Variants in NDUFB7 observed in about 807,000 individuals in gnomAD.
NDUFB7 encodes NADH:ubiquinone oxidoreductase subunit B7.
Under a neutral mutation model 14.7 loss-of-function variants are expected in NDUFB7, and 18 were observed. That is an observed-to-expected ratio of 1.22 (90% CI 0.85 to 1.81). NDUFB7 has a LOEUF of 1.81. Among genes scored for constraint, NDUFB7 ranks in the 40% most tolerant of loss-of-function variants. NDUFB7 has a pLI of 0.00. For synonymous variants in NDUFB7, 86 were observed against 76.1 expected (o/e 1.13, Z -0.68); for missense variants, 219 against 195.0 (o/e 1.12, Z -0.73).
chr19:14,566,386 C>G (rs868529620), intron 2 of NDUFB7, 121 bp from the exon 3 acceptor site: 2 of 1,497,316 alleles, frequency 1.3e-6, no homozygotes, highest in Non-Finnish European at 1.8e-6. Context: ...AAGACATGTC[C>G]GAGTGCCTGT....
Position 14,566,862 on chromosome 19 carries a change from G to A in NDUFB7, c.184C>T (p.His62Tyr), listed in dbSNP as rs142423426. Residue 62 changes from histidine to tyrosine, a missense_variant, in exon 2 of 3, where the codon CAC (histidine) becomes TAC (tyrosine). By Grantham distance (83) the His-to-Tyr change is moderately conservative (BLOSUM62 2). Transcript: ENST00000215565. ...RLQLRDYCAH[H>Y]LIRLLKCKRD... Reference sequence around the variant, plus strand: ...TTGCACTTGAGCAGCCGGATGAGGTGGTGGGCGCAGTAGTCCCGCAGCTGG... The same window carrying A: ...TTGCACTTGAGCAGCCGGATGAGGTAGTGGGCGCAGTAGTCCCGCAGCTGG... 59 of 1,572,246 alleles carry A rather than the reference G, an allele frequency of 3.8e-5. No individual in the cohort carries two copies. In the African/African-American group the frequency reaches 7.3e-4, roughly 19 times the overall value.
At chr19:14,571,745 G>T in intron 1 of NDUFB7, 144 bp downstream of exon 1, 1 of 740,978 alleles carries the variant, frequency 1.3e-6, no homozygotes, top group Non-Finnish European at 2.2e-6. Context: ...GGTCATGCAC[G>T]TCCTGTGGAC....
At chr19:14,568,469 A>G (rs1162547811) in intron 1 of NDUFB7, among the ~76,000 whole-genome samples, 1 of 152,092 alleles carries the variant, frequency 6.6e-6, no homozygotes, top group Non-Finnish European at 1.5e-5. Context: ...CCCTATCTGC[A>G]CTTGGAGCTC....
rs755153983 is a variant in NDUFB7, at chr19:14,566,224, AG to A, written c.322del (p.Leu108CysfsTer?). ...CTCCCGCCGCTTCTTCCGCTGGAGC[AG>A]CCTCCGCTCCCGCTCAAACTCCTTC... ...RMKEFERERR[L>X]LQRKKRREKK... On this transcript the variant is annotated frameshift_variant, in exon 3 of 3. Coordinates refer to ENST00000215565, the MANE Select transcript of NDUFB7 (RefSeq NM_004146.6). LOFTEE classifies it high-confidence loss of function. 7.4e-6 allele frequency: 12 copies of A among 1,614,024 alleles called. No homozygotes were observed. The highest frequency in any genetic ancestry group is 5.9e-6 in the Non-Finnish European group (7 of 1,179,998).
intron 1 of NDUFB7, among the ~76,000 whole-genome samples, chr19:14,568,900 C>T (rs1261328790): frequency 2.0e-5 from 3 of 151,914 alleles, no homozygotes; most frequent in South Asian, 2.1e-4. Context: ...ATGGGCCAGG[C>T]GCGGTGGCTC....
chr19:14,571,152 G>A (rs1245962996), intron 1 of NDUFB7, among the ~76,000 whole-genome samples: 1 of 152,168 alleles, frequency 6.6e-6, no homozygotes, highest in South Asian at 2.1e-4. Context: ...GCAAGATCCC[G>A]TCTCAAAGCA....
chr19:14,570,042 C>A (rs927633426), intron 1 of NDUFB7, among the ~76,000 whole-genome samples: 11 of 152,036 alleles, frequency 7.2e-5, no homozygotes, highest in Admixed American at 1.3e-4. Context: ...CAGGCATGCG[C>A]CACCACACCT....
Position 14,572,015 on chromosome 19 carries a change from C to T in NDUFB7, c.-15G>A, listed in dbSNP as rs754248145. 1.6e-5 allele frequency: 25 copies of T among 1,568,388 alleles called. No individual in the cohort carries two copies. In the Admixed American group the frequency reaches 4.7e-4, roughly 29 times the overall value. On this transcript the variant is annotated 5_prime_UTR_variant, in exon 1 of 3. Coordinates refer to ENST00000215565, the MANE Select transcript of NDUFB7 (RefSeq NM_004146.6). ...TGGGCCCCCATGGCTGCAGTCGCTG[C>T]AGATCCCTGCAGCAGCCGAGGGTCA...
intron 1 of NDUFB7, among the ~76,000 whole-genome samples, chr19:14,569,503 G>A (rs117473991): frequency 0.051 from 7,817 of 152,016 alleles, 297 homozygotes; most frequent in Non-Finnish European, 0.081. Context: ...TCAGTTGCAC[G>A]GGGATAGGCA....
At chr19:14,571,247 G>T (rs1239969397) in intron 1 of NDUFB7, among the ~76,000 whole-genome samples, 1 of 152,172 alleles carries the variant, frequency 6.6e-6, no homozygotes, top group Admixed American at 6.5e-5. Context: ...GTGACATCAG[G>T]AAGGGGGTAC....
chr19:14,571,842 C>G, intron 1 of NDUFB7, 47 bp downstream of exon 1: 1 of 1,555,180 alleles, frequency 6.4e-7, no homozygotes, highest in African/African-American at 1.4e-5. Context: ...GGTGTTCAGG[C>G]ACCCGCGCCC....
In NDUFB7 at chr19:14,566,944, T is replaced by C; in HGVS notation, c.113-11A>G. 1 of 1,568,928 alleles carries C rather than the reference T, an allele frequency of 6.4e-7. No homozygotes were observed. Among genetic ancestry groups the C allele is most frequent in the East Asian group, 2.3e-5 (1 of 43,456 alleles). On this transcript the variant is annotated splice_polypyrimidine_tract_variant and intron_variant, in intron 1 of 2. Coordinates refer to ENST00000215565, the MANE Select transcript of NDUFB7 (RefSeq NM_004146.6). ...GTGTGGCCACCATCTCTGCAGGGAG[T>C]GGGCGGGGCTCAACCAGGCTGGAGG...
In NDUFB7 at chr19:14,566,138, G is replaced by A; in HGVS notation, c.409C>T (p.Leu137=). Residue 137 remains leucine (L), a synonymous_variant, in exon 3 of 3, where the codon CTG becomes TTG. Transcript: ENST00000215565. ...TAGGGTGGGGGGTGCACCCCCTACA[G>A]GGCCACCTTGGGGTCCACTTCCCCG... is the stretch of plus-strand genomic sequence containing the variant. ...GPGEVDPKVA[L] 1.2e-6 allele frequency: 2 copies of A among 1,610,464 alleles called. No individual in the cohort carries two copies. The highest frequency in any genetic ancestry group is 1.7e-6 in the Non-Finnish European group (2 of 1,178,474).
rs2074090606 is a variant in NDUFB7 at position 14,566,732 on chromosome 19, CGGGGTGTTGGGGGCT to C, written c.281+18_281+32del. ...GCTGGGGGTATGGGGTGTTGCGGGCCGGGGTGTTGGGGGCTGGTGTGGGGGTGCTCACTCGCGGTG... is the reference window on the plus strand; with the variant it reads ...GCTGGGGGTATGGGGTGTTGCGGGCCGGTGTGGGGGTGCTCACTCGCGGTG... On this transcript the variant is annotated intron_variant, in intron 2 of 2. Transcript: ENST00000215565. 1 of 1,338,980 alleles carries C rather than the reference CGGGGTGTTGGGGGCT, an allele frequency of 7.5e-7. No homozygotes were observed. Among genetic ancestry groups the C allele is most frequent in the African/African-American group, 2.5e-5 (1 of 39,720 alleles). The allele number at this position is 1,338,980 out of a possible 1,614,324, so 82.9% of individuals were successfully genotyped here.
At chr19:14,566,315 C>G in intron 2 of NDUFB7, 50 bp from the exon 3 acceptor site, 1 of 1,610,408 alleles carries the variant, frequency 6.2e-7, no homozygotes, top group African/African-American at 1.3e-5. Flanking sequence ...CCAGGACACG[C>G]CCCCCAAGCC....
rs1371910159 is a variant in NDUFB7, at chr19:14,566,084, G to A, written c.*49C>T. The A allele has an allele frequency of 3.8e-6, 6 of 1,574,934 alleles. No homozygotes were observed. The highest frequency in any genetic ancestry group is 1.4e-5 in the African/African-American group (1 of 74,024). The stretch of plus-strand genomic sequence containing the variant: ...CAGTAAGAGGGGACTCTGGTTGAGG[G>A]GCCTGAAGGCTTTTATTTGACTGGT... On this transcript the variant is annotated 3_prime_UTR_variant, in exon 3 of 3. Transcript: ENST00000215565.
chr19:14,570,143 G>A (rs899627710), intron 1 of NDUFB7, among the ~76,000 whole-genome samples: 12 of 150,450 alleles, frequency 8.0e-5, no homozygotes, highest in African/African-American at 2.2e-4. Flanking sequence ...GTGATCCACC[G>A]GCCTTGGCCT....
intron 1 of NDUFB7, among the ~76,000 whole-genome samples, chr19:14,568,441 C>T (rs2074106137): frequency 6.6e-6 from 1 of 152,232 alleles, no homozygotes; most frequent in Non-Finnish European, 1.5e-5. Context: ...TGGGTATCAC[C>T]TGCAGCCCCT....
Position 14,566,082 on chromosome 19 carries a change from G to A in NDUFB7, c.*51C>T. ...AGCAGTAAGAGGGGACTCTGGTTGAGGGGCCTGAAGGCTTTTATTTGACTG... is the reference window on the plus strand; with the variant it reads ...AGCAGTAAGAGGGGACTCTGGTTGAAGGGCCTGAAGGCTTTTATTTGACTG... On this transcript the variant is annotated 3_prime_UTR_variant, in exon 3 of 3. Coordinates refer to ENST00000215565, the MANE Select transcript of NDUFB7 (RefSeq NM_004146.6). 1 of 1,573,308 alleles carries A rather than the reference G, an allele frequency of 6.4e-7. No individual in the cohort carries two copies. The highest frequency in any genetic ancestry group is 8.6e-7 in the Non-Finnish European group (1 of 1,158,344).
Sources: gnomAD v4.1 joint callset for allele counts (sites outside exome capture counted in the v4.1 genomes callset) on GRCh38, gnomAD v4.1.1 for gene constraint, MANE v1.5 for transcripts, NCBI Gene and HGNC (gene_info 2026-07-23, HGNC 2026-07-21) for gene names.